The following SH2D3C variants were observed in gnomAD, a reference collection of about 807,000 sequenced individuals.
SH2D3C encodes SH2 domain-containing protein 3C.
Under a neutral mutation model 75.2 loss-of-function variants are expected in SH2D3C, and 25 were observed. The ratio of observed to expected loss-of-function variants is 0.33; its 90% CI spans 0.24 to 0.46. The LOEUF is 0.46. Ranked by LOEUF, SH2D3C falls within the 20% of genes least tolerant of loss-of-function variation. The probability of loss-of-function intolerance (pLI) is 1.00; values close to 1 mark genes in which losing one functional copy is unlikely to be tolerated. For missense variants in SH2D3C, 933 were observed against 1,165.3 expected, an observed-to-expected ratio of 0.80 and a Z score of 2.90; for synonymous variants, 450 against 473.7, an observed-to-expected ratio of 0.95 and a Z score of 0.65.
chr9:127,772,155 A>G (rs1293040900), intron 2 of SH2D3C, among the ~76,000 whole-genome samples: 1 of 151,972 alleles, frequency 6.6e-6, no homozygotes, highest in East Asian at 1.9e-4. Context: ...CTCAGGAAAA[A>G]GCTGCTCAAG....
intron 8 of SH2D3C, among the ~76,000 whole-genome samples, chr9:127,742,282 T>C (rs1844886000): frequency 6.6e-6 from 1 of 152,180 alleles, no homozygotes; most frequent in Non-Finnish European, 1.5e-5. Flanking sequence ...TGTCGCCCAG[T>C]CTGGAGTGCA....
At chr9:127,755,191 G>GT (rs1845340936) in intron 3 of SH2D3C, 5 of 1,207,084 alleles carry the variant, frequency 4.1e-6, no homozygotes, top group South Asian at 8.2e-5. Flanking sequence ...CCGGGACGGT[G>GT]TGGGGGGGCG....
chr9:127,757,648 T>G lies in SH2D3C; in HGVS notation c.555+3963A>C, dbSNP rs200478863. 3.7e-3 allele frequency among the ~76,000 whole-genome samples: 497 copies of G among 135,078 alleles called. 3 individuals carry two copies. Among genetic ancestry groups the G allele is most frequent in the South Asian group, 0.015 (57 of 3,890 alleles). The allele number at this position is 135,078 out of a possible 152,430, so 88.6% of individuals were successfully genotyped here. Reference sequence around the variant, plus strand: ...TGATGATGATGATGATGATGATGATTATTATTATTATTATTATTATTTTGA... The same window carrying G: ...TGATGATGATGATGATGATGATGATGATTATTATTATTATTATTATTTTGA... On this transcript the variant is annotated intron_variant, in intron 3 of 11. Transcript: ENST00000314830.
intron 6 of SH2D3C, 112 bp from the exon 7 acceptor site, chr9:127,745,211 G>T: frequency 1.2e-6 from 1 of 866,328 alleles, no homozygotes; most frequent in Non-Finnish European, 1.6e-6. Flanking sequence ...GAGTACAGAG[G>T]TGATGTCCCC....
rs1378310052 is a variant in SH2D3C at position 127,749,461 on chromosome 9, C to T, written c.889G>A (p.Val297Met). 3 of 1,614,162 alleles carry T rather than the reference C, an allele frequency of 1.9e-6. No homozygotes were observed. The highest frequency in any genetic ancestry group is 1.1e-5 in the South Asian group (1 of 91,084). Reference protein sequence around the residue: ...QESFDHVPALVRYHVGSRKAV... With the variant: ...QESFDHVPALMRYHVGSRKAV... Reference sequence around the variant, plus strand: ...TTGCGGCTGCCCACATGATAGCGCACGAGGGCGGGCACGTGGTCAAAGCTC... The same window carrying T: ...TTGCGGCTGCCCACATGATAGCGCATGAGGGCGGGCACGTGGTCAAAGCTC... Residue 297 changes from valine to methionine, a missense_variant, in exon 5 of 12, where the codon GTG becomes ATG. Transcript: ENST00000314830. This position sits in a 1 kb window ranked among gnomAD's most constrained non-coding sequence, Gnocchi z 5.9.
intron 2 of SH2D3C, among the ~76,000 whole-genome samples, chr9:127,767,920 C>G (rs973061471): frequency 2.0e-5 from 3 of 152,204 alleles, no homozygotes; most frequent in Non-Finnish European, 4.4e-5. Flanking sequence ...CCTCACCCCA[C>G]GCAGGTCCAG....
intron 8 of SH2D3C, 37 bp downstream of exon 8, chr9:127,742,812 G>A: frequency 6.6e-7 from 1 of 1,521,930 alleles, no homozygotes; most frequent in Non-Finnish European, 9.0e-7. Flanking sequence ...GTAGCCGGGG[G>A]TTCCCCGCGA....
chr9:127,762,697 C>G (rs76600386), intron 2 of SH2D3C, among the ~76,000 whole-genome samples: 279 of 152,324 alleles, frequency 1.8e-3, no homozygotes, highest in African/African-American at 6.3e-3. Flanking sequence ...CCCTCGGGCT[C>G]CGTGTCCACT....
intron 3 of SH2D3C, among the ~76,000 whole-genome samples, chr9:127,759,683 T>C (rs1845479211): frequency 6.7e-6 from 1 of 150,242 alleles, no homozygotes; most frequent in African/African-American, 2.5e-5. Flanking sequence ...ACCCCACCTT[T>C]AAAAAAAAAT....
chr9:127,739,737 G>A lies in SH2D3C; in HGVS notation c.2352C>T (p.Arg784=). Residue 784 remains arginine, a synonymous_variant, in exon 11 of 12, where the codon CGC becomes CGT. Transcript: ENST00000314830. The surrounding 1 kb of genome is among the most constrained non-coding windows in gnomAD (Gnocchi z 4.3). The stretch of plus-strand genomic sequence containing the variant: ...ACAGGCCTCCGTGGTGTGCCACTGT[G>A]CGGGCGGCCTCCAGGTGAGCCAGCA... ...EVVLAHLEAA[R]TVAHHGGLYH... 6.2e-7 allele frequency: 1 copy of A among 1,610,734 alleles called. No individual in the cohort carries two copies. The highest frequency in any genetic ancestry group is 1.1e-5 in the South Asian group (1 of 90,810).
chr9:127,748,361 G>C (rs1461616091), intron 5 of SH2D3C, among the ~76,000 whole-genome samples: 1 of 152,120 alleles, frequency 6.6e-6, no homozygotes, highest in African/African-American at 2.4e-5. Flanking sequence ...TCAATTCCTT[G>C]ACTGGGAGCA....
intron 3 of SH2D3C, among the ~76,000 whole-genome samples, chr9:127,758,171 G>T (rs1037487633): frequency 6.6e-6 from 1 of 150,960 alleles, no homozygotes; most frequent in Admixed American, 6.6e-5. Context: ...ACAGGATCTT[G>T]CTATGTTGCC....
chr9:127,757,645 G>GATGATTATTATTATTATT (rs749540385), intron 3 of SH2D3C, among the ~76,000 whole-genome samples: 1 of 121,514 alleles, frequency 8.2e-6, no homozygotes, highest in Non-Finnish European at 1.7e-5. Context: ...TGATGATGAT[G>GATGATTATTATTATTATT]ATTATTATTA....
chr9:127,747,881 T>C (rs1320411514), intron 5 of SH2D3C, among the ~76,000 whole-genome samples: 2 of 152,018 alleles, frequency 1.3e-5, no homozygotes, highest in African/African-American at 2.4e-5. Context: ...ATGACCCTGC[T>C]CTCCTCCTTT....
intron 2 of SH2D3C, 87 bp from the exon 3 acceptor site, chr9:127,761,737 C>A (rs1347956812): frequency 8.6e-7 from 1 of 1,162,808 alleles, no homozygotes; most frequent in Non-Finnish European, 1.3e-6. Context: ...GGGGCCAGCA[C>A]CTGGCCCTTA....
In SH2D3C at chr9:127,751,393, T is replaced by C; in HGVS notation, c.556-93A>G. Reference sequence around the variant, plus strand: ...TTCTACCATGGATGAACTCCTCCTATCCTGGGACTCTGGGAACACTAAGGC... The same window carrying C: ...TTCTACCATGGATGAACTCCTCCTACCCTGGGACTCTGGGAACACTAAGGC... On this transcript the variant is annotated intron_variant, in intron 3 of 11. Transcript: ENST00000314830. This position sits in a 1 kb window ranked among gnomAD's most constrained non-coding sequence, Gnocchi z 4.1. The C allele has an allele frequency of 1.6e-6, 2 of 1,265,602 alleles. No homozygotes were observed. Among genetic ancestry groups the C allele is most frequent in the East Asian group, 2.3e-5 (1 of 43,258 alleles). The allele number at this position is 1,265,602 out of a possible 1,614,324, so 78.4% of individuals were successfully genotyped here. A position where few individuals can be genotyped will look rare whatever the true frequency, so the allele number is the denominator to read the frequency against.
chr9:127,759,867 C>T (rs1052818316), intron 3 of SH2D3C, among the ~76,000 whole-genome samples: 1 of 151,670 alleles, frequency 6.6e-6, no homozygotes, highest in Non-Finnish European at 1.5e-5. Flanking sequence ...CCTATAGTCC[C>T]AGCTACTCGG....
chr9:127,767,301 T>A, intron 2 of SH2D3C: 1 of 1,438,870 alleles, frequency 6.9e-7, no homozygotes, highest in Non-Finnish European at 9.1e-7. Context: ...AGAAAAGGCA[T>A]CTACTGAGTG....
At chr9:127,761,734 G>T in intron 2 of SH2D3C, 84 bp from the exon 3 acceptor site, 1 of 1,192,916 alleles carries the variant, frequency 8.4e-7, no homozygotes. Context: ...CCTGGGGCCA[G>T]CACCTGGCCC....
Sources: gnomAD v4.1 joint callset for allele counts (sites outside exome capture counted in the v4.1 genomes callset) on GRCh38, gnomAD v4.1.1 for gene constraint, Gnocchi (gnomAD v3.1) non-coding constraint, MANE v1.5 for transcripts, NCBI Gene and HGNC (gene_info 2026-07-23, HGNC 2026-07-21) for gene names.